CGN: variants seen among roughly 807,000 people sequenced by gnomAD.
CGN encodes cingulin.
A neutral mutation model predicts 157.1 loss-of-function variants in CGN; 121 were observed. The ratio of observed to expected loss-of-function variants is 0.77; its 90% CI spans 0.66 to 0.90. The LOEUF is 0.90. Ranked by LOEUF, CGN falls within the 40% of genes least tolerant of loss-of-function variation. The probability of loss-of-function intolerance (pLI) is 0.00; values close to 1 mark genes in which losing one functional copy is unlikely to be tolerated. For synonymous variants in CGN, 535 were observed against 607.5 expected (o/e 0.88, Z 1.76); for missense variants, 1,424 against 1,520.9 (o/e 0.94, Z 1.06).
intron 1 of CGN, among the ~76,000 whole-genome samples, chr1:151,516,693 C>T (rs915894312): frequency 6.6e-6 from 1 of 151,776 alleles, no homozygotes; most frequent in African/African-American, 2.4e-5. Context: ...CAGGCCCCCG[C>T]TACCACGCCC....
chr1:151,530,725 T>C lies in CGN; in HGVS notation c.2550T>C (p.Thr850=). ...AGCAGAAGCGTTTGCTGGACAGGAC[T>C]GTGGACCGACTGAACAAGGAGGTGG... ...LEEQKRLLDR[T]VDRLNKELEK... Residue 850 remains threonine (T), a synonymous_variant, in exon 13 of 21, where the codon ACT becomes ACC. Coordinates refer to ENST00000271636, the MANE Select transcript of CGN (RefSeq NM_020770.3). 6.4e-7 allele frequency: 1 copy of C among 1,552,626 alleles called. No homozygotes were observed. Among genetic ancestry groups the C allele is most frequent in the Non-Finnish European group, 8.7e-7 (1 of 1,147,444 alleles).
At position 151,535,580 on chromosome 1, in the gene CGN, C is replaced by T. The variant is rs1425626729; in HGVS notation, c.2995-20C>T. On this transcript the variant is annotated intron_variant, in intron 16 of 20. Transcript: ENST00000271636. ...TCCTTAGCCCTCCCCAAGTCTGGTC[C>T]TCTCACCCATCCCCACTAGGTGGAT... 3.1e-6 allele frequency: 5 copies of T among 1,603,996 alleles called. No homozygotes were observed. In the South Asian group the frequency reaches 3.3e-5, roughly 11 times the overall value.
rs1424336544 is a variant in CGN, at chr1:151,527,050, A to T, written c.1839A>T (p.Glu613Asp). ...AGAAGATAGAGGTCTTGCAGAGGGA[A>T]TTAGAGCAGGCCCGAGCTAGTGCTG... ...LGEKIEVLQR[E>D]LEQARASAGD... Residue 613 changes from glutamate (E) to aspartate (D), a missense_variant, in exon 10 of 21, where the codon GAA becomes GAT. Transcript: ENST00000271636. 1.2e-6 allele frequency: 2 copies of T among 1,614,186 alleles called. No homozygotes were observed. Among genetic ancestry groups the T allele is most frequent in the Non-Finnish European group, 1.7e-6 (2 of 1,180,042 alleles).
chr1:151,536,815 C>T lies in CGN; in HGVS notation c.3392C>T (p.Ala1131Val), dbSNP rs1385371316. 1 of 1,614,108 alleles carries T rather than the reference C, an allele frequency of 6.2e-7. No individual in the cohort carries two copies. Among genetic ancestry groups the T allele is most frequent in the Non-Finnish European group, 8.5e-7 (1 of 1,180,016 alleles). The change falls in exon 20 of 21, where the codon GCC (alanine) becomes GTC (valine). Residue 1131 changes from alanine to valine, a missense_variant. Ala to Val is a moderately conservative substitution (Grantham distance 64). Around this residue, in one of 3 missense-constraint regions of CGN, gnomAD observed 199 missense variants for 272.2 expected, o/e 0.73. Transcript: ENST00000271636. ...IERLDGLRKK[A>V]QREVEEQHEV... The stretch of plus-strand genomic sequence containing the variant: ...CGACTGGACGGCCTGAGGAAGAAGG[C>T]CCAGCGTGAGGTGGAGGAGCAGCAT...
In CGN at chr1:151,520,493, C is replaced by T. The variant is rs1483728161; in HGVS notation, c.1044+10C>T. The T allele has an allele frequency of 6.2e-7, 1 of 1,613,798 alleles. No homozygotes were observed. The highest frequency in any genetic ancestry group is 1.7e-5 in the Admixed American group (1 of 60,014). On this transcript the variant is annotated intron_variant, in intron 4 of 20. Coordinates refer to ENST00000271636, the MANE Select transcript of CGN (RefSeq NM_020770.3). ...GATGCAGCCTCTAGTGGTGAGTGGC[C>T]TTCTCTGGATGGGAGCAAGGGTCAA...
chr1:151,519,294 C>A lies in CGN; in HGVS notation c.775C>A (p.Pro259Thr). The A allele has an allele frequency of 1.2e-6, 2 of 1,613,768 alleles. No homozygotes were observed. Among genetic ancestry groups the A allele is most frequent in the South Asian group, 2.2e-5 (2 of 91,086 alleles). Residue 259 changes from proline (P) to threonine (T), a missense_variant, in exon 2 of 21, where the codon CCT becomes ACT. By Grantham distance (38) the Pro-to-Thr change is conservative. This residue lies in a region of CGN where 1,187 missense variants were observed against 1,217.6 expected (regional missense o/e 0.97). Transcript: ENST00000271636. ...GCCAGCCCAGAGCCAGAACCTGAGTCCTCTCAGTGGCTTTAGCCGTTCTCG... is the reference window on the plus strand; with the variant it reads ...GCCAGCCCAGAGCCAGAACCTGAGTACTCTCAGTGGCTTTAGCCGTTCTCG... ...KQPAQSQNLSPLSGFSRSRQT... is the reference protein window; with the variant it reads ...KQPAQSQNLSTLSGFSRSRQT...
intron 10 of CGN, 61 bp downstream of exon 10, chr1:151,527,168 C>G (rs1286547624): frequency 6.3e-7 from 1 of 1,584,676 alleles, no homozygotes; most frequent in East Asian, 2.2e-5. Context: ...CCTTACCTCT[C>G]CATGAGGGCC....
At chr1:151,510,202 TTACTC>T (rs1445677318), upstream of CGN, among the ~76,000 whole-genome samples, 10 of 151,750 alleles carry the variant, frequency 6.6e-5, no homozygotes, top group Non-Finnish European at 1.5e-4. Context: ...TAAGTGGACT[TTACTC>T]TGTAGGACCC....
At chr1:151,532,862 G>A (rs1215539950) in intron 14 of CGN, among the ~76,000 whole-genome samples, 8 of 151,868 alleles carry the variant, frequency 5.3e-5, no homozygotes, top group African/African-American at 1.5e-4. Context: ...CTCGTGATCC[G>A]CCCTCCTCGG....
rs550137068 is a variant in CGN, at chr1:151,530,613, G to C, written c.2438G>C (p.Gly813Ala). 1 of 1,610,740 alleles carries C rather than the reference G, an allele frequency of 6.2e-7. No homozygotes were observed. Among genetic ancestry groups the C allele is most frequent in the Non-Finnish European group, 8.5e-7 (1 of 1,178,440 alleles). Residue 813 changes from glycine to alanine, a missense_variant, in exon 13 of 21, where the codon GGG becomes GCG. By Grantham distance (60) the Gly-to-Ala change is moderately conservative. Coordinates refer to ENST00000271636, the MANE Select transcript of CGN (RefSeq NM_020770.3). ...EEAQRGLARL[G>A]QEQQTLNRAL... is the part of the protein sequence containing the mutation. ...GCTCAGCGGGGGCTGGCCCGCCTGG[G>C]GCAGGAGCAGCAGACACTGAACCGG...
intron 8 of CGN, among the ~76,000 whole-genome samples, 197 bp downstream of exon 8, chr1:151,525,083 C>A (rs1194724512): frequency 2.0e-5 from 3 of 152,054 alleles, no homozygotes; most frequent in African/African-American, 7.2e-5. Flanking sequence ...GCCAGAAGTA[C>A]CTTGAGGTTG....
At chr1:151,513,099 T>G (rs1023740238) in intron 1 of CGN, among the ~76,000 whole-genome samples, 23 of 152,236 alleles carry the variant, frequency 1.5e-4, no homozygotes, top group Non-Finnish European at 2.8e-4. Context: ...TCCTCCTGCC[T>G]GTTCCCTCCC....
intron 15 of CGN, chr1:151,534,766 G>T (rs1664918300): frequency 1.3e-5 from 5 of 396,084 alleles, no homozygotes; most frequent in Non-Finnish European, 2.3e-5. Context: ...TCCCATTAGA[G>T]AAATAAGGTT....
In CGN at chr1:151,529,454, G is replaced by T; in HGVS notation, c.2001G>T (p.Ala667=). The change falls in exon 11 of 21, where the codon GCG becomes GCT. Residue 667 remains alanine (A), a synonymous_variant. Coordinates refer to ENST00000271636, the MANE Select transcript of CGN (RefSeq NM_020770.3). The part of the protein sequence containing the change: ...HRDRELEKQL[A]VLRVEADRGR... ...ACCGGGAGTTGGAGAAGCAGCTGGC[G>T]GTCCTGAGGGTCGAGGCTGATCGAG... is the stretch of plus-strand genomic sequence containing the variant. 6.2e-7 allele frequency: 1 copy of T among 1,613,848 alleles called. No homozygotes were observed. The highest frequency in any genetic ancestry group is 8.5e-7 in the Non-Finnish European group (1 of 1,179,958).
In CGN at chr1:151,530,445, A is replaced by C. The variant is rs543286388; in HGVS notation, c.2314-44A>C. Reference sequence around the variant, plus strand: ...CCCACCTCCAAATGACTTGAACCCAAGTTTTACCTTTTCTCAGTCCAACCC... The same window carrying C: ...CCCACCTCCAAATGACTTGAACCCACGTTTTACCTTTTCTCAGTCCAACCC... On this transcript the variant is annotated intron_variant, in intron 12 of 20. Coordinates refer to ENST00000271636, the MANE Select transcript of CGN (RefSeq NM_020770.3). The C allele has an allele frequency of 2.1e-5, 31 of 1,510,714 alleles. 1 individual carries two copies. In the Admixed American group the frequency reaches 6.7e-4, roughly 33 times the overall value. 93.6% of individuals were successfully genotyped at this position (1,510,714 alleles called of 1,614,324 possible). A position where few individuals can be genotyped will look rare whatever the true frequency, so the allele number is the denominator to read the frequency against.
intron 10 of CGN, among the ~76,000 whole-genome samples, chr1:151,528,742 C>A (rs1664758193): frequency 6.6e-6 from 1 of 152,176 alleles, no homozygotes; most frequent in South Asian, 2.1e-4. Flanking sequence ...CAAAGTTGTA[C>A]AACCATCATC....
At chr1:151,526,130 C>G (rs1664674288) in intron 9 of CGN, among the ~76,000 whole-genome samples, 1 of 151,510 alleles carries the variant, frequency 6.6e-6, no homozygotes, top group African/African-American at 2.4e-5. Context: ...ACCTTGCCTC[C>G]CAAAGCACTG....
At chr1:151,533,009 C>G (rs1664874598) in intron 14 of CGN, among the ~76,000 whole-genome samples, 1 of 152,124 alleles carries the variant, frequency 6.6e-6, no homozygotes, top group African/African-American at 2.4e-5. Context: ...AATATATTGT[C>G]TGTAGAGCAG....
intron 19 of CGN, 105 bp from the exon 20 acceptor site, chr1:151,536,625 C>T: frequency 8.2e-7 from 1 of 1,226,968 alleles, no homozygotes; most frequent in Non-Finnish European, 1.2e-6. Flanking sequence ...CCCAAGGCCA[C>T]ATTTTTCCAG....
Sources: gnomAD v4.1 joint callset for allele counts (sites outside exome capture counted in the v4.1 genomes callset) on GRCh38, gnomAD v4.1.1 for gene constraint, gnomAD v4.1.1 regional missense constraint, MANE v1.5 for transcripts, NCBI Gene and HGNC (gene_info 2026-07-23, HGNC 2026-07-21) for gene names.